The following CENPL variants were observed in gnomAD, a reference collection of about 807,000 sequenced individuals.
The protein encoded by CENPL is centromere protein L, also known as interphase centromere complex protein 33.
A neutral mutation model predicts 35.2 loss-of-function variants in CENPL; 20 were observed. The observed-to-expected ratio is 0.57, with a 90% confidence interval of 0.40 to 0.83. CENPL has a LOEUF of 0.83. Among genes scored for constraint, CENPL ranks in the 40% least tolerant of loss-of-function variants. The probability of loss-of-function intolerance (pLI) is 0.00; values close to 1 mark genes in which losing one functional copy is unlikely to be tolerated. For missense variants in CENPL, 363 were observed against 395.8 expected (o/e 0.92, Z 0.70); for synonymous variants, 140 against 140.6 (o/e 1.00, Z 0.03).
In CENPL at chr1:173,803,418, G is replaced by C. The variant is rs369995400; in HGVS notation, c.508C>G (p.Leu170Val). ...GWFCCVFGDSLLETVSEDFTC... is the reference protein window; with the variant it reads ...GWFCCVFGDSVLETVSEDFTC... Reference sequence around the variant, plus strand: ...AAATCTTCTGAAACAGTCTCCAGAAGACTGTCTCCAAATACACAGCAGAAC... The same window carrying C: ...AAATCTTCTGAAACAGTCTCCAGAACACTGTCTCCAAATACACAGCAGAAC... Residue 170 changes from leucine to valine, a missense_variant, in exon 5 of 6, where the codon CTT becomes GTT. Physicochemically the swap from Leu to Val is conservative, Grantham distance 32. Coordinates refer to ENST00000682279, the MANE Select transcript of CENPL (RefSeq NM_001387287.1). 1 of 1,614,094 alleles carries C rather than the reference G, an allele frequency of 6.2e-7. No homozygotes were observed. The highest frequency in any genetic ancestry group is 2.2e-5 in the East Asian group (1 of 44,886).
Position 173,800,312 on chromosome 1 carries a change from G to A in CENPL, c.*136C>T. On this transcript the variant is annotated 3_prime_UTR_variant, in exon 6 of 6. Transcript: ENST00000682279. ...CTAGATCCTTCTTGGCTTCCATCTT[G>A]GCAACTCCAAAGGCATGGTGGGGAA... 1 of 513,064 alleles carries A rather than the reference G, an allele frequency of 1.9e-6. No homozygotes were observed. The highest frequency in any genetic ancestry group is 3.6e-6 in the Non-Finnish European group (1 of 280,668). The allele number at this position is 513,064 out of a possible 1,614,324, so 31.8% of individuals were successfully genotyped here.
intron 2 of CENPL, among the ~76,000 whole-genome samples, chr1:173,819,742 A>T (rs1288304240): frequency 6.6e-6 from 1 of 152,062 alleles, no homozygotes; most frequent in East Asian, 1.9e-4. Context: ...CCTGGGCTGG[A>T]GTGCAATGGC....
chr1:173,824,087 C>T (rs533166550), intron 1 of CENPL, 68 bp from the exon 2 acceptor site: 1 of 152,198 alleles, frequency 6.6e-6, no homozygotes, highest in Admixed American at 6.5e-5. Context: ...CCCTGGCCCT[C>T]CCAAATTCCC....
intron 2 of CENPL, among the ~76,000 whole-genome samples, chr1:173,817,432 A>C (rs1438876358): frequency 1.3e-5 from 2 of 152,252 alleles, no homozygotes; most frequent in Non-Finnish European, 2.9e-5. Context: ...CATCAGAGAA[A>C]TGCAAATCAA....
At chr1:173,823,578 T>C (rs1175790869) in intron 2 of CENPL, 2 of 152,254 alleles carry the variant, frequency 1.3e-5, no homozygotes, top group Non-Finnish European at 2.9e-5. Context: ...CTACTCCCGT[T>C]TGTCTCAGTA....
intron 2 of CENPL, among the ~76,000 whole-genome samples, chr1:173,821,041 A>C (rs1439918970): frequency 6.6e-6 from 1 of 152,234 alleles, no homozygotes; most frequent in Non-Finnish European, 1.5e-5. Flanking sequence ...CCTAGCTTTA[A>C]ATGCATATTG....
At chr1:173,813,015 C>T (rs913005233) in intron 2 of CENPL, among the ~76,000 whole-genome samples, 1 of 152,130 alleles carries the variant, frequency 6.6e-6, no homozygotes, top group African/African-American at 2.4e-5. Context: ...GGCACAAGAA[C>T]TTCATGATGC....
intron 1 of CENPL, 72 bp downstream of exon 1, chr1:173,824,140 A>G (rs1335384590): frequency 7.2e-5 from 11 of 152,270 alleles, no homozygotes; most frequent in Non-Finnish European, 1.0e-4. Flanking sequence ...AAACGCACCC[A>G]GGAAGACCTC....
chr1:173,800,501 G>A lies in CENPL; in HGVS notation c.982C>T (p.Leu328Phe). The change falls in exon 6 of 6, where the codon CTT (leucine) becomes TTT (phenylalanine). Residue 328 changes from leucine (L) to phenylalanine (F), a missense_variant. Physicochemically the swap from Leu to Phe is conservative, Grantham distance 22. Coordinates refer to ENST00000682279, the MANE Select transcript of CENPL (RefSeq NM_001387287.1). ...GKIKILCHKY[L>F]IGVLAYLTEL... ...GTCAAATATGCTAACACTCCAATAA[G>A]GTATTTATGACACAGAATCTGCAAA... 2.0e-6 allele frequency: 3 copies of A among 1,473,236 alleles called. No homozygotes were observed. Among genetic ancestry groups the A allele is most frequent in the Non-Finnish European group, 2.8e-6 (3 of 1,056,356 alleles). 91.3% of individuals were successfully genotyped at this position (1,473,236 alleles called of 1,614,324 possible).
chr1:173,819,174 C>A (rs1651697135), intron 2 of CENPL, among the ~76,000 whole-genome samples: 1 of 151,860 alleles, frequency 6.6e-6, no homozygotes, highest in Admixed American at 6.6e-5. Context: ...GTCAAGGCTG[C>A]AGTGAGATGT....
chr1:173,814,797 T>A (rs1008539949), intron 2 of CENPL, among the ~76,000 whole-genome samples: 2 of 151,856 alleles, frequency 1.3e-5, no homozygotes, highest in African/African-American at 4.8e-5. Flanking sequence ...AGCAAACAAA[T>A]TCAAAAGCTA....
chr1:173,810,612 G>A (rs1187433642), intron 3 of CENPL, among the ~76,000 whole-genome samples: 3 of 152,132 alleles, frequency 2.0e-5, no homozygotes, highest in Non-Finnish European at 4.4e-5. Context: ...TTGCATGTTT[G>A]AAAATTACTT....
intron 2 of CENPL, among the ~76,000 whole-genome samples, chr1:173,820,578 T>C (rs894238474): frequency 2.6e-5 from 4 of 152,186 alleles, no homozygotes; most frequent in African/African-American, 7.2e-5. Context: ...GCTCAAATAA[T>C]GTCCAGAGCA....
At chr1:173,814,686 G>C (rs1245262009) in intron 2 of CENPL, among the ~76,000 whole-genome samples, 1 of 152,218 alleles carries the variant, frequency 6.6e-6, no homozygotes, top group African/African-American at 2.4e-5. Flanking sequence ...TTAAAGCAGT[G>C]TGTAGAGGAA....
chr1:173,810,054 T>C (rs1221246537), intron 3 of CENPL, among the ~76,000 whole-genome samples: 1 of 152,162 alleles, frequency 6.6e-6, no homozygotes, highest in Non-Finnish European at 1.5e-5. Flanking sequence ...TAAAGACACA[T>C]GCATGCATAC....
Position 173,807,518 on chromosome 1 carries a change from C to A in CENPL, c.169G>T (p.Glu57Ter). The change falls in exon 4 of 6, where the codon GAA becomes TAA. Residue 57 changes from glutamate (E) to a stop codon, truncating the protein, a stop_gained and splice_region_variant. Transcript: ENST00000682279. LOFTEE classifies it high-confidence loss of function. ...RKIPQCSQLQ[E>*]DVDPQKVAFL... is the part of the protein sequence containing the mutation. ...GCAACCTTTTGAGGGTCAACATCTTCCTATAAAAAAAAATCAAGACAAAAG... is the reference window on the plus strand; with the variant it reads ...GCAACCTTTTGAGGGTCAACATCTTACTATAAAAAAAAATCAAGACAAAAG... The A allele has an allele frequency of 6.9e-7, 1 of 1,447,786 alleles. No homozygotes were observed. Among genetic ancestry groups the A allele is most frequent in the South Asian group, 1.6e-5 (1 of 60,620 alleles). 89.7% of individuals were successfully genotyped at this position (1,447,786 alleles called of 1,614,324 possible).
Position 173,820,913 on chromosome 1 carries a change from G to A in CENPL, c.-8+3013C>T, listed in dbSNP as rs551011389. ...AAGAGGGTGGGAGGGACATAAATGT[G>A]ACTATAAAAAGGCAACACAAGAATT... On this transcript the variant is annotated intron_variant, in intron 2 of 5. Coordinates refer to ENST00000682279, the MANE Select transcript of CENPL (RefSeq NM_001387287.1). Among the ~76,000 whole-genome samples, 4 of 152,296 alleles carry A rather than the reference G, an allele frequency of 2.6e-5. 1 individual carries two copies. Among genetic ancestry groups the A allele is most frequent in the African/African-American group, 9.6e-5 (4 of 41,558 alleles).
intron 2 of CENPL, among the ~76,000 whole-genome samples, chr1:173,811,695 G>A (rs532827831): frequency 6.6e-6 from 1 of 152,300 alleles, no homozygotes; most frequent in African/African-American, 2.4e-5. Context: ...GTCTAATCCA[G>A]TTCCAAGATG....
intron 2 of CENPL, chr1:173,821,994 T>C (rs1346632856): frequency 6.6e-6 from 1 of 151,948 alleles, no homozygotes; most frequent in African/African-American, 2.4e-5. Flanking sequence ...TCTATCATCT[T>C]TAATCACTCC....
Sources: allele counts gnomAD v4.1 joint callset (sites outside exome capture counted in the v4.1 genomes callset), GRCh38; gene constraint gnomAD v4.1.1; transcripts MANE v1.5; gene names NCBI Gene and HGNC (gene_info 2026-07-23, HGNC 2026-07-21).